The following KCNIP1 variants were observed in gnomAD, a reference collection of about 807,000 sequenced individuals.
KCNIP1 encodes A-type potassium channel modulatory protein KCNIP1.
Under a neutral mutation model 33.0 loss-of-function variants are expected in KCNIP1, and 18 were observed. The ratio of observed to expected loss-of-function variants is 0.55; its 90% CI spans 0.38 to 0.81. KCNIP1 has a LOEUF of 0.81. KCNIP1 is among the 30% of genes least tolerant of loss of function. KCNIP1 has a pLI of 0.00. For missense variants in KCNIP1, 238 were observed against 271.6 expected, an observed-to-expected ratio of 0.88 and a Z score of 0.87; for synonymous variants, 93 against 98.3, an observed-to-expected ratio of 0.95 and a Z score of 0.32.
intron 1 of KCNIP1, among the ~76,000 whole-genome samples, chr5:170,702,784 C>T (rs991525589): frequency 2.6e-5 from 4 of 151,620 alleles, no homozygotes; most frequent in Non-Finnish European, 5.9e-5. Context: ...TTCAATTTCT[C>T]CTAATAAAAT....
chr5:170,624,347 T>A (rs557676755), intron 1 of KCNIP1, among the ~76,000 whole-genome samples: 1 of 152,000 alleles, frequency 6.6e-6, no homozygotes, highest in Non-Finnish European at 1.5e-5. Flanking sequence ...CAAGTGGAGG[T>A]GAGGAGGAAG....
Position 170,414,816 on chromosome 5 carries a change from G to A in KCNIP1, c.88+60852G>A, listed in dbSNP as rs571827507. On this transcript the variant is annotated intron_variant, in intron 1 of 7. Transcript: ENST00000377360. ...AGCTTTTCAACTAAAAATTCAATGC[G>A]TATTCTTTGGGGTATAAATAAATGT... is the stretch of plus-strand genomic sequence containing the variant. Among the ~76,000 whole-genome samples, 13 of 152,266 alleles carry A rather than the reference G, an allele frequency of 8.5e-5. 1 individual carries two copies. In the South Asian group the frequency reaches 1.0e-3, roughly 12 times the overall value.
intron 1 of KCNIP1, among the ~76,000 whole-genome samples, chr5:170,486,956 G>T (rs1757105909): frequency 6.6e-6 from 1 of 152,076 alleles, no homozygotes; most frequent in Non-Finnish European, 1.5e-5. Context: ...ATTAGTCAGG[G>T]TTCTCCAGAG....
At chr5:170,438,376 G>A (rs926188575) in intron 1 of KCNIP1, among the ~76,000 whole-genome samples, 4 of 152,196 alleles carry the variant, frequency 2.6e-5, no homozygotes, top group Admixed American at 2.0e-4. Flanking sequence ...AGGGCACACT[G>A]GAGAGGTGAG....
rs185006922 is a variant in KCNIP1, at chr5:170,447,119, A to G, written c.88+93155A>G. On this transcript the variant is annotated intron_variant, in intron 1 of 7. Coordinates refer to the KCNIP1 transcript ENST00000377360. ...CCTCACTCATAGAGTAGGAATTCAAAAACATCCCAGTAGGAGCTGGGAAAG... is the reference window on the plus strand; with the variant it reads ...CCTCACTCATAGAGTAGGAATTCAAGAACATCCCAGTAGGAGCTGGGAAAG... 1.6e-3 allele frequency among the ~76,000 whole-genome samples: 230 copies of G among 144,150 alleles called. 3 individuals are homozygous for G. Among genetic ancestry groups the G allele is most frequent in the South Asian group, 1.8e-3 (8 of 4,542 alleles). 94.6% of individuals were successfully genotyped at this position (144,150 alleles called of 152,430 possible). A position where few individuals can be genotyped will look rare whatever the true frequency, so the allele number is the denominator to read the frequency against.
In KCNIP1 at chr5:170,504,830, C is replaced by A. The variant is rs1754648391; in HGVS notation, c.61+197C>A. The stretch of plus-strand genomic sequence containing the variant: ...CAGAGGAGGGAGCCGGAGTGGACGT[C>A]TGCCCCAGCGGCAACTGGACCCCTC... On this transcript the variant is annotated intron_variant, in intron 1 of 7. Coordinates refer to ENST00000328939, the MANE Select transcript of KCNIP1 (RefSeq NM_014592.4). This position sits in a 1 kb window ranked among gnomAD's most constrained non-coding sequence, Gnocchi z 6.0. Among the ~76,000 whole-genome samples the A allele has an allele frequency of 6.6e-6, 1 of 152,140 alleles. No homozygotes were observed. Among genetic ancestry groups the A allele is most frequent in the Admixed American group, 6.5e-5 (1 of 15,282 alleles).
intron 1 of KCNIP1, among the ~76,000 whole-genome samples, chr5:170,396,209 G>A (rs537691525): frequency 7.2e-5 from 11 of 152,304 alleles, no homozygotes; most frequent in Non-Finnish European, 1.5e-4. Flanking sequence ...CTAGGGGCTC[G>A]CAATGTTGGT....
intron 1 of KCNIP1, among the ~76,000 whole-genome samples, chr5:170,621,945 G>A (rs1312585306): frequency 6.6e-6 from 1 of 152,224 alleles, no homozygotes; most frequent in East Asian, 1.9e-4. Context: ...GTATAGAGAC[G>A]TGTGGAGTCT....
intron 1 of KCNIP1, among the ~76,000 whole-genome samples, chr5:170,354,520 T>C (rs1405939210): frequency 6.6e-6 from 1 of 152,232 alleles, no homozygotes; most frequent in Non-Finnish European, 1.5e-5. Flanking sequence ...TCATTCATCG[T>C]TCTGCTTTCT....
At chr5:170,707,914 C>T (rs1436079606) in intron 1 of KCNIP1, among the ~76,000 whole-genome samples, 1 of 151,956 alleles carries the variant, frequency 6.6e-6, no homozygotes, top group Non-Finnish European at 1.5e-5. Context: ...AGAACAAATG[C>T]TTGAAGCAAA....
chr5:170,547,733 G>GGT (rs1299978568), intron 1 of KCNIP1, among the ~76,000 whole-genome samples: 1 of 152,086 alleles, frequency 6.6e-6, no homozygotes, highest in Non-Finnish European at 1.5e-5. Context: ...AGCATTTCAT[G>GGT]GTGTATATAT....
At chr5:170,569,619 C>G (rs973102837) in intron 1 of KCNIP1, among the ~76,000 whole-genome samples, 3 of 152,224 alleles carry the variant, frequency 2.0e-5, no homozygotes. Context: ...CGGCATGCCA[C>G]CGTAGTCCTA....
chr5:170,488,514 G>A (rs1757142243), intron 1 of KCNIP1, among the ~76,000 whole-genome samples: 1 of 152,214 alleles, frequency 6.6e-6, no homozygotes, highest in Non-Finnish European at 1.5e-5. Context: ...CAGAGGAGGA[G>A]GATAGACACA....
intron 1 of KCNIP1, among the ~76,000 whole-genome samples, chr5:170,424,755 T>C (rs987590221): frequency 1.9e-4 from 29 of 152,182 alleles, no homozygotes. Flanking sequence ...AGTCAGATTA[T>C]GTCATTCTCC....
At chr5:170,619,833 G>A (rs1759534370) in intron 1 of KCNIP1, among the ~76,000 whole-genome samples, 1 of 152,102 alleles carries the variant, frequency 6.6e-6, no homozygotes, top group African/African-American at 2.4e-5. Flanking sequence ...GCAAATTCCT[G>A]GCACTGTTAA....
chr5:170,571,991 C>T (rs931468517), intron 1 of KCNIP1, among the ~76,000 whole-genome samples: 1 of 152,050 alleles, frequency 6.6e-6, no homozygotes, highest in Non-Finnish European at 1.5e-5. Flanking sequence ...TACTATAAGA[C>T]AAATAGCACC....
At chr5:170,682,784 C>T (rs75478284) in intron 1 of KCNIP1, among the ~76,000 whole-genome samples, 66 of 71,360 alleles carry the variant, frequency 9.2e-4, no homozygotes, top group East Asian at 7.4e-3. Context: ...TTCTTTGTTT[C>T]TTTTTTTTTT....
intron 1 of KCNIP1, among the ~76,000 whole-genome samples, chr5:170,566,845 A>G (rs946919192): frequency 5.9e-5 from 9 of 152,198 alleles, no homozygotes; most frequent in Non-Finnish European, 1.2e-4. Flanking sequence ...CAAATCATAA[A>G]CCAGGAAAAG....
intron 1 of KCNIP1, among the ~76,000 whole-genome samples, chr5:170,667,856 T>C (rs1349032374): frequency 1.3e-5 from 2 of 152,242 alleles, no homozygotes; most frequent in African/African-American, 4.8e-5. Flanking sequence ...TACTTCATCA[T>C]TCGGGACTCT....
Sources: allele counts gnomAD v4.1 joint callset (sites outside exome capture counted in the v4.1 genomes callset), GRCh38; gene constraint gnomAD v4.1.1; non-coding constraint Gnocchi (gnomAD v3.1); transcripts MANE v1.5; gene names NCBI Gene and HGNC (gene_info 2026-07-23, HGNC 2026-07-21).